LRRC37A2: variants seen among roughly 807,000 people sequenced by gnomAD.
LRRC37A2 encodes leucine rich repeat containing 37 member A2.
Under a neutral mutation model 68.8 loss-of-function variants are expected in LRRC37A2, and 9 were observed. The ratio of observed to expected loss-of-function variants is 0.13; its 90% CI spans 0.08 to 0.23. The LOEUF is 0.23. LRRC37A2 is among the 10% of genes least tolerant of loss of function. LRRC37A2 has a pLI of 1.00. For missense variants in LRRC37A2, 168 were observed against 950.4 expected (o/e 0.18, Z 10.82); for synonymous variants, 63 against 367.6 (o/e 0.17, Z 9.48).
At chr17:46,614,364 TGAAAG>T in the LRRC37A2 span, among the ~76,000 whole-genome samples, 1 of 103,588 alleles carries the variant, frequency 9.7e-6, no homozygotes, top group African/African-American at 5.2e-5. Flanking sequence ...TTTAATGACT[TGAAAG>T]GATAATGATG....
the LRRC37A2 span, among the ~76,000 whole-genome samples, chr17:46,787,960 A>G: frequency 6.6e-6 from 1 of 150,750 alleles, no homozygotes; most frequent in Non-Finnish European, 1.5e-5. Context: ...TGCCTCAGAA[A>G]AAAAAAAAAA....
chr17:46,957,472 G>A, the LRRC37A2 span, among the ~76,000 whole-genome samples: 2 of 152,166 alleles, frequency 1.3e-5, no homozygotes, highest in Admixed American at 6.5e-5. Context: ...AACTAGCCAG[G>A]TGTGGTGGTG....
chr17:46,827,648 GCCT>G, the LRRC37A2 span, among the ~76,000 whole-genome samples: 2 of 152,222 alleles, frequency 1.3e-5, no homozygotes, highest in Non-Finnish European at 1.5e-5. Flanking sequence ...GTAGCCAAAG[GCCT>G]CCTAACTATC....
At chr17:46,502,207 G>C in the LRRC37A2 span, among the ~76,000 whole-genome samples, 1 of 151,150 alleles carries the variant, frequency 6.6e-6, no homozygotes, top group Non-Finnish European at 1.5e-5. Context: ...CAAGTTAATA[G>C]ATGAGTGAGA....
chr17:46,388,434 T>C, the LRRC37A2 span, among the ~76,000 whole-genome samples: 1 of 59,162 alleles, frequency 1.7e-5, no homozygotes, highest in Non-Finnish European at 4.5e-5. Flanking sequence ...TGGTGGCGCA[T>C]GCCTGTAATC....
the LRRC37A2 span, among the ~76,000 whole-genome samples, chr17:46,954,176 A>G: frequency 6.6e-6 from 1 of 152,204 alleles, no homozygotes; most frequent in African/African-American, 2.4e-5. Flanking sequence ...TAGGTCTAAC[A>G]TGTAAGTCTT....
chr17:46,926,634 G>A, the LRRC37A2 span, among the ~76,000 whole-genome samples: 1 of 152,314 alleles, frequency 6.6e-6, no homozygotes, highest in African/African-American at 2.4e-5. Context: ...AGTGTGTTAT[G>A]TTGTGTTAGA....
At chr17:46,528,642 T>C (rs2053142753) in intron 6 of LRRC37A2, 1 of 526,770 alleles carries the variant, frequency 1.9e-6, no homozygotes, top group South Asian at 2.1e-5. Context: ...ATCACTTGAC[T>C]CCAGGAGGTG....
At chr17:46,721,808 C>T in the LRRC37A2 span, 18 of 1,599,234 alleles carry the variant, frequency 1.1e-5, no homozygotes, top group African/African-American at 5.4e-5. Context: ...TGTCAGAGTA[C>T]GGCTCCTGGG....
rs2052646942 is a variant in LRRC37A2 at position 46,525,688 on chromosome 17, ACACTGGAAT to A, written c.2906+1808_2906+1816del. On this transcript the variant is annotated intron_variant, in intron 6 of 14. Coordinates refer to ENST00000576629, the Ensembl canonical transcript of LRRC37A2. ...CAATTATGTAGGCAACACCAGGAAA[ACACTGGAAT>A]CACAGTTGATAAAAATTAATGAATT... Among the ~76,000 whole-genome samples, 2 of 118,694 alleles carry A rather than the reference ACACTGGAAT, an allele frequency of 1.7e-5. 1 individual carries two copies. The highest frequency in any genetic ancestry group is 3.7e-5 in the Non-Finnish European group (2 of 53,352). 77.9% of individuals were successfully genotyped at this position (118,694 alleles called of 152,430 possible). A position where few individuals can be genotyped will look rare whatever the true frequency, so the allele number is the denominator to read the frequency against.
At chr17:46,834,802 C>T in the LRRC37A2 span, among the ~76,000 whole-genome samples, 4,818 of 152,220 alleles carry the variant, frequency 0.032, 237 homozygotes, top group African/African-American at 0.11. Flanking sequence ...GCTTCCCCCA[C>T]GCTAATATAC....
the LRRC37A2 span, among the ~76,000 whole-genome samples, chr17:46,926,177 T>C: frequency 6.6e-6 from 1 of 152,230 alleles, no homozygotes; most frequent in African/African-American, 2.4e-5. Flanking sequence ...CAAGACCATG[T>C]TTTTCCTTTA....
the LRRC37A2 span, chr17:46,933,631 C>CTTTTTTT: frequency 1.2e-3 from 168 of 134,736 alleles, 7 homozygotes; most frequent in African/African-American, 4.5e-3. Context: ...GTGGCATAAC[C>CTTTTTTT]TTTTTTTTTT....
At chr17:46,838,491 G>T in the LRRC37A2 span, among the ~76,000 whole-genome samples, 1 of 151,990 alleles carries the variant, frequency 6.6e-6, no homozygotes, top group East Asian at 1.9e-4. Flanking sequence ...GCTGGGCATG[G>T]TGGTATTCGC....
At chr17:46,818,029 T>C in the LRRC37A2 span, among the ~76,000 whole-genome samples, 1 of 151,564 alleles carries the variant, frequency 6.6e-6, no homozygotes, top group Non-Finnish European at 1.5e-5. Context: ...GGGTCTGAAA[T>C]AGGAAGGCAA....
chr17:46,382,289 T>TA, the LRRC37A2 span, among the ~76,000 whole-genome samples: 1 of 91,568 alleles, frequency 1.1e-5, no homozygotes, highest in Non-Finnish European at 2.6e-5. Context: ...TAATAATAAA[T>TA]AAAAAATAGA....
the LRRC37A2 span, among the ~76,000 whole-genome samples, chr17:47,000,409 A>G: frequency 9.9e-5 from 15 of 151,676 alleles, no homozygotes; most frequent in South Asian, 2.1e-3. Context: ...TAATTTTTGT[A>G]TTTTTAGTAG....
At chr17:47,013,654 C>A in the LRRC37A2 span, among the ~76,000 whole-genome samples, 1 of 152,142 alleles carries the variant, frequency 6.6e-6, no homozygotes, top group Non-Finnish European at 1.5e-5. Context: ...AAAAGAATGT[C>A]TCATTGTGGG....
chr17:46,723,773 A>G, the LRRC37A2 span, among the ~76,000 whole-genome samples: 1 of 151,730 alleles, frequency 6.6e-6, no homozygotes, highest in Non-Finnish European at 1.5e-5. Context: ...CAGCACACCC[A>G]CTCCCTGGCC....
Sources: gnomAD v4.1 joint callset for allele counts (sites outside exome capture counted in the v4.1 genomes callset) on GRCh38, gnomAD v4.1.1 for gene constraint, MANE v1.5 for transcripts, NCBI Gene and HGNC (gene_info 2026-07-23, HGNC 2026-07-21) for gene names.